CDH4: variants seen among roughly 807,000 people sequenced by gnomAD.
CDH4 encodes cadherin-4.
CDH4 carries 33 observed loss-of-function variants against 86.0 expected under a neutral mutation model. The observed-to-expected ratio is 0.38, with a 90% confidence interval of 0.29 to 0.51. The LOEUF is 0.51. Ranked by LOEUF, CDH4 falls within the 20% of genes least tolerant of loss-of-function variation. The probability of loss-of-function intolerance (pLI) is 0.86; values close to 1 mark genes in which losing one functional copy is unlikely to be tolerated. For synonymous variants in CDH4, 555 were observed against 549.4 expected, an observed-to-expected ratio of 1.01 and a Z score of -0.14; for missense variants, 1,114 against 1,307.4, an observed-to-expected ratio of 0.85 and a Z score of 2.28.
chr20:61,522,653 C>A (rs566057121), intron 2 of CDH4, among the ~76,000 whole-genome samples: 4 of 152,222 alleles, frequency 2.6e-5, no homozygotes, highest in Non-Finnish European at 5.9e-5. Context: ...CTCGGAACTG[C>A]ACGCACGGCG....
intron 4 of CDH4, among the ~76,000 whole-genome samples, chr20:61,839,284 A>G (rs1982026161): frequency 6.6e-6 from 1 of 151,950 alleles, no homozygotes; most frequent in East Asian, 1.9e-4. Context: ...CCGGGTGTGC[A>G]TGGGGGAGTG....
At chr20:61,627,979 C>T (rs1234578414) in intron 2 of CDH4, among the ~76,000 whole-genome samples, 1 of 152,154 alleles carries the variant, frequency 6.6e-6, no homozygotes, top group Non-Finnish European at 1.5e-5. Flanking sequence ...GGGGTCTGCG[C>T]CCTACCTCCT....
At chr20:61,631,388 A>T (rs561601440) in intron 2 of CDH4, among the ~76,000 whole-genome samples, 3 of 152,136 alleles carry the variant, frequency 2.0e-5, no homozygotes, top group South Asian at 2.1e-4. Flanking sequence ...CACATCTGTA[A>T]TCCCACTTTG....
Position 61,517,306 on chromosome 20 carries a change from C to T in CDH4, c.170-226257C>T, listed in dbSNP as rs558337909. On this transcript the variant is annotated intron_variant, in intron 2 of 15. Transcript: ENST00000614565. This position sits in a 1 kb window ranked among gnomAD's most constrained non-coding sequence, Gnocchi z 6.6. The stretch of plus-strand genomic sequence containing the variant: ...CTCCTGGGCTCAAGCGATCCTCCCA[C>T]CTCCTGTGGGGCTGTGTAGCTGGGG... Among the ~76,000 whole-genome samples, 1 of 152,348 alleles carries T rather than the reference C, an allele frequency of 6.6e-6. No individual in the cohort carries two copies. Among genetic ancestry groups the T allele is most frequent in the East Asian group, 1.9e-4 (1 of 5,176 alleles).
chr20:61,316,764 C>T (rs973653313), intron 2 of CDH4, among the ~76,000 whole-genome samples: 12 of 152,196 alleles, frequency 7.9e-5, no homozygotes, highest in East Asian at 7.7e-4. Flanking sequence ...CTCTGCTTTT[C>T]GGGTGAGGGG....
At chr20:61,311,253 A>C (rs2084444072) in intron 2 of CDH4, among the ~76,000 whole-genome samples, 1 of 152,246 alleles carries the variant, frequency 6.6e-6, no homozygotes, top group Non-Finnish European at 1.5e-5. Context: ...TTGAATAGGC[A>C]TGGAGAAGTT....
rs137957435 is a variant in CDH4, at chr20:61,914,573, G to A, written c.1374+3966G>A. On this transcript the variant is annotated intron_variant, in intron 9 of 15. Coordinates refer to ENST00000614565, the MANE Select transcript of CDH4 (RefSeq NM_001794.5). The stretch of plus-strand genomic sequence containing the variant: ...GCCTCAGCAGAATAACCCTGGAATC[G>A]ACTCAGATCTTGCAGGCCCCATCCC... Among the ~76,000 whole-genome samples, 69 of 138,060 alleles carry A rather than the reference G, an allele frequency of 5.0e-4. 1 individual carries two copies. The East Asian group carries it at 0.013, about 26-fold the overall frequency. 90.6% of individuals were successfully genotyped at this position (138,060 alleles called of 152,430 possible).
At chr20:61,488,101 C>G (rs2085606393) in intron 2 of CDH4, among the ~76,000 whole-genome samples, 1 of 152,160 alleles carries the variant, frequency 6.6e-6, no homozygotes, top group Admixed American at 6.5e-5. Context: ...TGTATGACGC[C>G]AATGATCATG....
At chr20:61,297,759 G>A (rs1295781466) in intron 2 of CDH4, among the ~76,000 whole-genome samples, 6 of 152,388 alleles carry the variant, frequency 3.9e-5, no homozygotes, top group South Asian at 2.1e-4. Flanking sequence ...ACATTAGCGC[G>A]TGTCAGCCCC....
chr20:61,439,127 G>A (rs2085301012), intron 2 of CDH4, among the ~76,000 whole-genome samples: 1 of 152,000 alleles, frequency 6.6e-6, no homozygotes, highest in Non-Finnish European at 1.5e-5. Flanking sequence ...AAAATAGTTT[G>A]ATTTTTTGTC....
chr20:61,378,539 C>G (rs989278454), intron 2 of CDH4, among the ~76,000 whole-genome samples: 11 of 152,202 alleles, frequency 7.2e-5, no homozygotes, highest in African/African-American at 2.7e-4. Context: ...CTTCCCGCGG[C>G]CTTCTCCTCT....
At chr20:61,351,069 C>T (rs557515386) in intron 2 of CDH4, among the ~76,000 whole-genome samples, 3 of 152,180 alleles carry the variant, frequency 2.0e-5, no homozygotes, top group South Asian at 2.1e-4. Flanking sequence ...GTGTCACAGC[C>T]GCCCTCCCTC....
chr20:61,426,233 G>A (rs17734003), intron 2 of CDH4, among the ~76,000 whole-genome samples: 8,780 of 152,116 alleles, frequency 0.058, 347 homozygotes, highest in Non-Finnish European at 0.086. Context: ...ATTTTTTGAC[G>A]CAGCCAGGTG....
intron 2 of CDH4, among the ~76,000 whole-genome samples, chr20:61,630,614 G>C (rs1287765325): frequency 6.6e-6 from 1 of 152,204 alleles, no homozygotes; most frequent in Non-Finnish European, 1.5e-5. Flanking sequence ...TGGGGAAGAA[G>C]TCACATTTGG....
intron 2 of CDH4, among the ~76,000 whole-genome samples, chr20:61,356,731 G>T (rs1324205371): frequency 6.6e-6 from 1 of 152,138 alleles, no homozygotes; most frequent in Non-Finnish European, 1.5e-5. Flanking sequence ...AGCATGAAAA[G>T]AAATTTTTTT....
intron 4 of CDH4, among the ~76,000 whole-genome samples, chr20:61,815,493 G>C (rs574651989): frequency 6.6e-6 from 1 of 152,312 alleles, no homozygotes; most frequent in Admixed American, 6.5e-5. Flanking sequence ...GCCCAGGGAG[G>C]CTCCGGGAGA....
intron 2 of CDH4, among the ~76,000 whole-genome samples, chr20:61,556,057 G>A (rs2086175141): frequency 6.6e-6 from 1 of 152,148 alleles, no homozygotes; most frequent in South Asian, 2.1e-4. Flanking sequence ...GCTCGCCTTG[G>A]TGTACCCCCC....
chr20:61,864,311 G>A (rs1037103578), intron 6 of CDH4, among the ~76,000 whole-genome samples: 4 of 152,186 alleles, frequency 2.6e-5, no homozygotes, highest in Non-Finnish European at 4.4e-5. Context: ...CCCCATCTGC[G>A]GTGCTTTGGC....
chr20:61,291,062 T>C (rs1348722988), intron 2 of CDH4, among the ~76,000 whole-genome samples: 2 of 152,168 alleles, frequency 1.3e-5, no homozygotes, highest in African/African-American at 4.8e-5. Flanking sequence ...CCAACCCCTG[T>C]CTCACACTCA....
Sources: allele counts gnomAD v4.1 joint callset (sites outside exome capture counted in the v4.1 genomes callset), GRCh38; gene constraint gnomAD v4.1.1; non-coding constraint Gnocchi (gnomAD v3.1); transcripts MANE v1.5; gene names NCBI Gene and HGNC (gene_info 2026-07-23, HGNC 2026-07-21).